The following OR2F2 variants were observed in gnomAD, a reference collection of about 807,000 sequenced individuals.
The protein encoded by OR2F2 is olfactory receptor 2F2.
For synonymous variants in OR2F2, 161 were observed against 159.0 expected, an observed-to-expected ratio of 1.01 and a Z score of -0.09; for missense variants, 375 against 380.2, an observed-to-expected ratio of 0.99 and a Z score of 0.11.
chr7:143,935,994 A>G lies in OR2F2; in HGVS notation c.762A>G (p.Thr254=), dbSNP rs1385815525. 1 of 1,614,032 alleles carries G rather than the reference A, an allele frequency of 6.2e-7. No homozygotes were observed. Among genetic ancestry groups the G allele is most frequent in the Non-Finnish European group, 8.5e-7 (1 of 1,180,034 alleles). Residue 254 remains threonine (T), a synonymous_variant, in exon 1 of 1, where the codon ACA becomes ACG. Transcript: ENST00000408955. ...CGGTGGTTGCCCTGTGCTACGGCACAACGATTTTCACTTACATCCAGCCCC... is the reference window on the plus strand; with the variant it reads ...CGGTGGTTGCCCTGTGCTACGGCACGACGATTTTCACTTACATCCAGCCCC... The part of the protein sequence containing the change: ...HLTVVALCYG[T]TIFTYIQPHS...
Position 143,935,600 on chromosome 7 carries a change from A to G in OR2F2, c.368A>G (p.His123Arg), listed in dbSNP as rs754133575. 1 of 1,614,232 alleles carries G rather than the reference A, an allele frequency of 6.2e-7. No homozygotes were observed. Among genetic ancestry groups the G allele is most frequent in the East Asian group, 2.2e-5 (1 of 44,888 alleles). ...CTGGCAGTGATGGCCTATGACCGCC[A>G]TGTGGCTGTGTCTGACCGCCTGCGA... ...VLLAVMAYDR[H>R]VAVSDRLRYS... Residue 123 changes from histidine to arginine, a missense_variant, in exon 1 of 1, where the codon CAT becomes CGT. Coordinates refer to ENST00000408955, the MANE Select transcript of OR2F2 (RefSeq NM_001004685.1).
rs1274439336 is a variant in OR2F2, at chr7:143,935,616, C to T, written c.384C>T (p.Asp128=). ...MAYDRHVAVS[D]RLRYSAIMHG... is the part of the protein sequence containing the mutation. Reference sequence around the variant, plus strand: ...ATGACCGCCATGTGGCTGTGTCTGACCGCCTGCGATACTCGGCCATCATGC... The same window carrying T: ...ATGACCGCCATGTGGCTGTGTCTGATCGCCTGCGATACTCGGCCATCATGC... The change falls in exon 1 of 1, where the codon GAC becomes GAT. Residue 128 remains aspartate (D), a synonymous_variant. Coordinates refer to ENST00000408955, the MANE Select transcript of OR2F2 (RefSeq NM_001004685.1). 3.1e-6 allele frequency: 5 copies of T among 1,614,186 alleles called. No individual in the cohort carries two copies. In the South Asian group the frequency reaches 5.5e-5, roughly 18 times the overall value.
Position 143,935,773 on chromosome 7 carries a change from C to T in OR2F2, c.541C>T (p.Leu181Phe). 6.2e-7 allele frequency: 1 copy of T among 1,614,230 alleles called. No homozygotes were observed. Among genetic ancestry groups the T allele is most frequent in the Non-Finnish European group, 8.5e-7 (1 of 1,180,040 alleles). The change falls in exon 1 of 1, where the codon CTC becomes TTC. Residue 181 changes from leucine (L) to phenylalanine (F), a missense_variant. Physicochemically the swap from Leu to Phe is conservative, Grantham distance 22. Coordinates refer to ENST00000408955, the MANE Select transcript of OR2F2 (RefSeq NM_001004685.1). ...NKFIDHISCE[L>F]LAVVRLACVD... is the part of the protein sequence containing the mutation. ...GTTTATTGATCACATATCCTGTGAA[C>T]TCCTAGCTGTGGTCAGGCTGGCTTG...
rs1372247509 is a variant in OR2F2 at position 143,935,664 on chromosome 7, G to A, written c.432G>A (p.Leu144=). The part of the protein sequence containing the change: ...AIMHGGLCAR[L]AITSWVSGSI... ...TGCATGGAGGGCTGTGTGCTAGGTT[G>A]GCCATCACATCCTGGGTCAGTGGCT... Residue 144 remains leucine, a synonymous_variant, in exon 1 of 1, where the codon TTG becomes TTA. Coordinates refer to ENST00000408955, the MANE Select transcript of OR2F2 (RefSeq NM_001004685.1). The A allele has an allele frequency of 1.2e-6, 2 of 1,614,188 alleles. No homozygotes were observed. The highest frequency in any genetic ancestry group is 8.5e-7 in the Non-Finnish European group (1 of 1,180,042).
In OR2F2 at chr7:143,935,283, A is replaced by C. The variant is rs376639583; in HGVS notation, c.51A>C (p.Leu17Phe). The C allele has an allele frequency of 3.1e-6, 5 of 1,614,066 alleles. No individual in the cohort carries two copies. The African/African-American group carries it at 6.7e-5, about 22-fold the overall frequency. The change falls in exon 1 of 1, where the codon TTA (leucine) becomes TTC (phenylalanine). Residue 17 changes from leucine (L) to phenylalanine (F), a missense_variant. Coordinates refer to ENST00000408955, the MANE Select transcript of OR2F2 (RefSeq NM_001004685.1). ...TGAGAGAATTTATTCTCCTTGGCTT[A>C]TCCAGTGACTGGTGCACTCAGATAT... ...TWVREFILLG[L>F]SSDWCTQISL...
At position 143,936,040 on chromosome 7, in the gene OR2F2, C is replaced by A; in HGVS notation, c.808C>A (p.Gln270Lys). 1 of 1,614,094 alleles carries A rather than the reference C, an allele frequency of 6.2e-7. No individual in the cohort carries two copies. Among genetic ancestry groups the A allele is most frequent in the Non-Finnish European group, 8.5e-7 (1 of 1,180,032 alleles). The stretch of plus-strand genomic sequence containing the variant: ...GCCCCACTCTGGTCCCTCAGTCCTT[C>A]AAGAGAAGCTGATCTCTGTCTTCTA... ...IQPHSGPSVLQEKLISVFYAI... is the reference protein window; with the variant it reads ...IQPHSGPSVLKEKLISVFYAI... Residue 270 changes from glutamine to lysine, a missense_variant, in exon 1 of 1, where the codon CAA (glutamine) becomes AAA (lysine). Physicochemically the swap from Gln to Lys is moderately conservative, Grantham distance 53. Coordinates refer to ENST00000408955, the MANE Select transcript of OR2F2 (RefSeq NM_001004685.1).
chr7:143,935,953 T>C lies in OR2F2; in HGVS notation c.721T>C (p.Cys241Arg). 6.2e-7 allele frequency: 1 copy of C among 1,614,172 alleles called. No individual in the cohort carries two copies. The stretch of plus-strand genomic sequence containing the variant: ...AGGAAGAAAGAAAGCCTTCCACACG[T>C]GTGCCTCTCACCTCACGGTGGTTGC... ...REGRKKAFHT[C>R]ASHLTVVALC... Residue 241 changes from cysteine to arginine, a missense_variant, in exon 1 of 1, where the codon TGT becomes CGT. Physicochemically the swap from Cys to Arg is radical, Grantham distance 180. Coordinates refer to ENST00000408955, the MANE Select transcript of OR2F2 (RefSeq NM_001004685.1).
rs754143819 is a variant in OR2F2 at position 143,935,532 on chromosome 7, G to A, written c.300G>A (p.Gln100=). The A allele has an allele frequency of 3.1e-6, 5 of 1,614,070 alleles. No homozygotes were observed. In the East Asian group the frequency reaches 8.9e-5, roughly 29 times the overall value. The change falls in exon 1 of 1, where the codon CAG becomes CAA. Residue 100 remains glutamine, a synonymous_variant. Coordinates refer to ENST00000408955, the MANE Select transcript of OR2F2 (RefSeq NM_001004685.1). The stretch of plus-strand genomic sequence containing the variant: ...TCCCATTCCAGAGCTGTGCAGCCCA[G>A]TTATTTTTCTCCCTGGCCTTGGGTG... ...KAIPFQSCAA[Q]LFFSLALGGI...
In OR2F2 at chr7:143,935,891, G is replaced by A. The variant is rs61740239; in HGVS notation, c.659G>A (p.Arg220Gln). The A allele has an allele frequency of 0.035, 56,958 of 1,613,988 alleles. 1,219 individuals are homozygous for A. Among genetic ancestry groups the A allele is most frequent in the South Asian group, 0.047 (4,296 of 91,064 alleles). Residue 220 changes from arginine to glutamine, a missense_variant, in exon 1 of 1, where the codon CGG becomes CAG. Arg to Gln is a conservative substitution (Grantham distance 43). Coordinates refer to ENST00000408955, the MANE Select transcript of OR2F2 (RefSeq NM_001004685.1). ...TGCCTGGTTCTGTTGTCCTACATCC[G>A]GATCATCTCCACCATCCTAAAGATC... ...PFCLVLLSYIRIISTILKIQS... is the reference protein window; with the variant it reads ...PFCLVLLSYIQIISTILKIQS...
chr7:143,935,636 T>C lies in OR2F2; in HGVS notation c.404T>C (p.Ile135Thr). ...TCTGACCGCCTGCGATACTCGGCCA[T>C]CATGCATGGAGGGCTGTGTGCTAGG... ...AVSDRLRYSA[I>T]MHGGLCARLA... Residue 135 changes from isoleucine (I) to threonine (T), a missense_variant, in exon 1 of 1, where the codon ATC (isoleucine) becomes ACC (threonine). By Grantham distance (89) the Ile-to-Thr change is moderately conservative. Coordinates refer to ENST00000408955, the MANE Select transcript of OR2F2 (RefSeq NM_001004685.1). 1 of 1,614,226 alleles carries C rather than the reference T, an allele frequency of 6.2e-7. No individual in the cohort carries two copies. Among genetic ancestry groups the C allele is most frequent in the African/African-American group, 1.3e-5 (1 of 75,064 alleles).
chr7:143,935,784 G>A lies in OR2F2; in HGVS notation c.552G>A (p.Val184=). ...IDHISCELLA[V]VRLACVDTSS... ...ACATATCCTGTGAACTCCTAGCTGT[G>A]GTCAGGCTGGCTTGTGTGGACACCT... Residue 184 remains valine, a synonymous_variant, in exon 1 of 1, where the codon GTG becomes GTA. Transcript: ENST00000408955. 2 of 1,614,192 alleles carry A rather than the reference G, an allele frequency of 1.2e-6. No homozygotes were observed. Among genetic ancestry groups the A allele is most frequent in the South Asian group, 1.1e-5 (1 of 91,078 alleles).
rs1814833790 is a variant in OR2F2, at chr7:143,936,126, G to C, written c.894G>C (p.Lys298Asn). 1.9e-6 allele frequency: 3 copies of C among 1,613,404 alleles called. No individual in the cohort carries two copies. The highest frequency in any genetic ancestry group is 2.5e-6 in the Non-Finnish European group (3 of 1,179,616). The change falls in exon 1 of 1, where the codon AAG (lysine) becomes AAC (asparagine). Residue 298 changes from lysine to asparagine, a missense_variant. Transcript: ENST00000408955. ...ATAGTCTAAGGAATAAAGAGGTGAAGGGGGCCTGGCATAAACTATTAGAGA... is the reference window on the plus strand; with the variant it reads ...ATAGTCTAAGGAATAAAGAGGTGAACGGGGCCTGGCATAAACTATTAGAGA... ...VIYSLRNKEV[K>N]GAWHKLLEKF... is the part of the protein sequence containing the mutation.
At position 143,935,429 on chromosome 7, in the gene OR2F2, T is replaced by C; in HGVS notation, c.197T>C (p.Leu66Pro). 6.2e-7 allele frequency: 1 copy of C among 1,614,112 alleles called. No homozygotes were observed. Among genetic ancestry groups the C allele is most frequent in the Non-Finnish European group, 8.5e-7 (1 of 1,180,026 alleles). The change falls in exon 1 of 1, where the codon CTC becomes CCC. Residue 66 changes from leucine to proline, a missense_variant. Transcript: ENST00000408955. ...HTPMYFFLTN[L>P]SLVDVSYATS... ...CCCATGTATTTCTTTCTCACCAACC[T>C]CTCCCTTGTCGATGTCTCCTATGCC...
At position 143,935,780 on chromosome 7, in the gene OR2F2, C is replaced by G; in HGVS notation, c.548C>G (p.Ala183Gly). The change falls in exon 1 of 1, where the codon GCT (alanine) becomes GGT (glycine). Residue 183 changes from alanine (A) to glycine (G), a missense_variant. Transcript: ENST00000408955. Reference protein sequence around the residue: ...FIDHISCELLAVVRLACVDTS... With the variant: ...FIDHISCELLGVVRLACVDTS... ...GATCACATATCCTGTGAACTCCTAG[C>G]TGTGGTCAGGCTGGCTTGTGTGGAC... is the stretch of plus-strand genomic sequence containing the variant. The G allele has an allele frequency of 1.2e-6, 2 of 1,614,228 alleles. No individual in the cohort carries two copies. The highest frequency in any genetic ancestry group is 1.7e-6 in the Non-Finnish European group (2 of 1,180,036).
In OR2F2 at chr7:143,935,571, T is replaced by C; in HGVS notation, c.339T>C (p.Val113=). Residue 113 remains valine (V), a synonymous_variant, in exon 1 of 1, where the codon GTT becomes GTC. Coordinates refer to ENST00000408955, the MANE Select transcript of OR2F2 (RefSeq NM_001004685.1). ...FSLALGGIEF[V]LLAVMAYDRH... The stretch of plus-strand genomic sequence containing the variant: ...TGGCCTTGGGTGGGATTGAGTTTGT[T>C]CTCCTGGCAGTGATGGCCTATGACC... 6.2e-7 allele frequency: 1 copy of C among 1,614,192 alleles called. No individual in the cohort carries two copies. Among genetic ancestry groups the C allele is most frequent in the Non-Finnish European group, 8.5e-7 (1 of 1,180,040 alleles).
chr7:143,935,818 G>T lies in OR2F2; in HGVS notation c.586G>T (p.Glu196Ter). 6.2e-7 allele frequency: 1 copy of T among 1,614,244 alleles called. No homozygotes were observed. The highest frequency in any genetic ancestry group is 8.5e-7 in the Non-Finnish European group (1 of 1,180,038). ...RLACVDTSSNEAAIMVSSIVL... is the reference protein window; with the variant it reads ...RLACVDTSSN ...GGCTTGTGTGGACACCTCCTCCAATGAGGCTGCCATCATGGTGTCTAGCAT... is the reference window on the plus strand; with the variant it reads ...GGCTTGTGTGGACACCTCCTCCAATTAGGCTGCCATCATGGTGTCTAGCAT... Residue 196 changes from glutamate to a stop codon, truncating the protein, a stop_gained, in exon 1 of 1, where the codon GAG becomes TAG. Coordinates refer to ENST00000408955, the MANE Select transcript of OR2F2 (RefSeq NM_001004685.1). LOFTEE classifies it low-confidence loss of function (END_TRUNC).
chr7:143,935,413 T>A lies in OR2F2; in HGVS notation c.181T>A (p.Phe61Ile). The change falls in exon 1 of 1, where the codon TTC becomes ATC. Residue 61 changes from phenylalanine (F) to isoleucine (I), a missense_variant. Phe to Ile is a conservative substitution (Grantham distance 21). Coordinates refer to ENST00000408955, the MANE Select transcript of OR2F2 (RefSeq NM_001004685.1). Reference sequence around the variant, plus strand: ...CAGCCGACTCCACACTCCCATGTATTTCTTTCTCACCAACCTCTCCCTTGT... The same window carrying A: ...CAGCCGACTCCACACTCCCATGTATATCTTTCTCACCAACCTCTCCCTTGT... ...LDSRLHTPMYFFLTNLSLVDV... is the reference protein window; with the variant it reads ...LDSRLHTPMYIFLTNLSLVDV... 1 of 1,614,208 alleles carries A rather than the reference T, an allele frequency of 6.2e-7. No individual in the cohort carries two copies. The highest frequency in any genetic ancestry group is 8.5e-7 in the Non-Finnish European group (1 of 1,180,024).
Position 143,935,248 on chromosome 7 carries a change from C to G in OR2F2, c.16C>G (p.Gln6Glu). 6.2e-7 allele frequency: 1 copy of G among 1,609,302 alleles called. No individual in the cohort carries two copies. Among genetic ancestry groups the G allele is most frequent in the Non-Finnish European group, 8.5e-7 (1 of 1,176,818 alleles). Residue 6 changes from glutamine to glutamate, a missense_variant, in exon 1 of 1, where the codon CAG becomes GAG. Gln to Glu is a conservative substitution (Grantham distance 29, BLOSUM62 2). Transcript: ENST00000408955. The part of the protein sequence containing the change: MEIDN[Q>E]TWVREFILLG... Reference sequence around the variant, plus strand: ...ACATTTTTAAATGGAAATAGATAACCAGACGTGGGTGAGAGAATTTATTCT... The same window carrying G: ...ACATTTTTAAATGGAAATAGATAACGAGACGTGGGTGAGAGAATTTATTCT...
rs1814820003 is a variant in OR2F2 at position 143,935,707 on chromosome 7, C to A, written c.475C>A (p.Gln159Lys). 6.2e-7 allele frequency: 1 copy of A among 1,614,198 alleles called. No individual in the cohort carries two copies. The highest frequency in any genetic ancestry group is 8.5e-7 in the Non-Finnish European group (1 of 1,180,040). The stretch of plus-strand genomic sequence containing the variant: ...CAGTGGCTCCATCAACTCTCTTGTG[C>A]AGACTGCTATCACCTTTCAGCTGCC... ...WVSGSINSLV[Q>K]TAITFQLPMC... The change falls in exon 1 of 1, where the codon CAG becomes AAG. Residue 159 changes from glutamine to lysine, a missense_variant. By Grantham distance (53) the Gln-to-Lys change is moderately conservative. Transcript: ENST00000408955.
Sources: gnomAD v4.1 joint callset for allele counts on GRCh38, gnomAD v4.1.1 for gene constraint, MANE v1.5 for transcripts, NCBI Gene and HGNC (gene_info 2026-07-23, HGNC 2026-07-21) for gene names.